The following LSAMP variants were observed in gnomAD, a reference collection of about 807,000 sequenced individuals.
LSAMP encodes the protein limbic system-associated membrane protein.
A neutral mutation model predicts 38.6 loss-of-function variants in LSAMP; 7 were observed. That is an observed-to-expected ratio of 0.18 (90% CI 0.10 to 0.34). LSAMP has a LOEUF of 0.34. Ranked by LOEUF, LSAMP falls within the 10% of genes least tolerant of loss-of-function variation. The probability of loss-of-function intolerance (pLI) is 1.00; values close to 1 mark genes in which losing one functional copy is unlikely to be tolerated. For missense variants in LSAMP, 313 were observed against 420.0 expected (o/e 0.75, Z 2.23); for synonymous variants, 154 against 166.8 (o/e 0.92, Z 0.59).
At chr3:115,938,812 CTTCA>C (rs1937798194) in intron 3 of LSAMP, among the ~76,000 whole-genome samples, 1 of 152,140 alleles carries the variant, frequency 6.6e-6, no homozygotes, top group Admixed American at 6.6e-5. Context: ...TTGTACACGT[CTTCA>C]TTCAAACTGA....
chr3:115,973,606 T>TTATTCCCA (rs1181266619), intron 3 of LSAMP, among the ~76,000 whole-genome samples: 13 of 151,886 alleles, frequency 8.6e-5, no homozygotes, highest in Non-Finnish European at 1.6e-4. Flanking sequence ...TGGTGGCAGG[T>TTATTCCCA]GCCTGTAATC....
chr3:116,018,587 GC>G (rs1365703493), intron 3 of LSAMP, among the ~76,000 whole-genome samples: 2 of 152,052 alleles, frequency 1.3e-5, no homozygotes, highest in East Asian at 3.8e-4. Flanking sequence ...TTCACCTATT[GC>G]CTATCTTTCT....
At chr3:116,185,667 TTAA>T (rs1710597679) in intron 1 of LSAMP, among the ~76,000 whole-genome samples, 1 of 152,104 alleles carries the variant, frequency 6.6e-6, no homozygotes, top group African/African-American at 2.4e-5. Flanking sequence ...TACAGTTATC[TTAA>T]CATATTCAAC....
At position 115,842,571 on chromosome 3, in the gene LSAMP, G is replaced by A. The variant is rs1559846489; in HGVS notation, c.657C>T (p.Pro219=). Residue 219 remains proline, a synonymous_variant, in exon 5 of 7, where the codon CCC becomes CCT. Transcript: ENST00000490035. ...KQVKVTVNYP[P]TITESKSNEA... is the part of the protein sequence containing the mutation. ...CATTGCTCTTGGATTCTGTGATAGTGGGAGGATCTGTAGGAAGGACAGGCA... is the reference window on the plus strand; with the variant it reads ...CATTGCTCTTGGATTCTGTGATAGTAGGAGGATCTGTAGGAAGGACAGGCA... The A allele has an allele frequency of 1.9e-6, 3 of 1,613,184 alleles. No individual in the cohort carries two copies. The highest frequency in any genetic ancestry group is 2.5e-6 in the Non-Finnish European group (3 of 1,179,524).
intron 2 of LSAMP, among the ~76,000 whole-genome samples, chr3:116,067,525 C>A (rs186140487): frequency 6.6e-6 from 1 of 152,174 alleles, no homozygotes; most frequent in African/African-American, 2.4e-5. Context: ...GTAGAGAACA[C>A]CAGCTGTCAC....
intron 1 of LSAMP, among the ~76,000 whole-genome samples, chr3:116,293,960 G>A (rs1377340500): frequency 6.6e-6 from 1 of 151,990 alleles, no homozygotes; most frequent in Non-Finnish European, 1.5e-5. Flanking sequence ...TATACTACAT[G>A]TATGAGGACA....
intron 3 of LSAMP, among the ~76,000 whole-genome samples, chr3:115,899,357 A>G (rs1030161554): frequency 6.6e-6 from 1 of 152,154 alleles, no homozygotes; most frequent in African/African-American, 2.4e-5. Flanking sequence ...AACACTCCAG[A>G]AAAGGAATTA....
intron 1 of LSAMP, among the ~76,000 whole-genome samples, chr3:116,313,992 G>A (rs944636752): frequency 1.2e-4 from 18 of 152,212 alleles, no homozygotes; most frequent in Admixed American, 1.1e-3. Flanking sequence ...GAAGTCTTGT[G>A]TGAAGCACTT....
chr3:116,050,627 T>C (rs1367962274), intron 2 of LSAMP, among the ~76,000 whole-genome samples: 1 of 152,152 alleles, frequency 6.6e-6, no homozygotes, highest in Non-Finnish European at 1.5e-5. Flanking sequence ...TTAGGACAGA[T>C]ACTGGCCGTT....
intron 1 of LSAMP, among the ~76,000 whole-genome samples, chr3:116,233,067 C>T (rs1388268407): frequency 6.6e-6 from 1 of 152,010 alleles, no homozygotes; most frequent in Non-Finnish European, 1.5e-5. Flanking sequence ...TTTAATTATT[C>T]TTTAGAATCT....
intron 1 of LSAMP, among the ~76,000 whole-genome samples, chr3:116,316,778 G>GAAAAAAAAAA (rs35294836): frequency 8.4e-6 from 1 of 118,988 alleles, no homozygotes; most frequent in African/African-American, 3.2e-5. Flanking sequence ...CTCAAAAAAA[G>GAAAAAAAAAA]AAAAAAAAAA....
intron 1 of LSAMP, among the ~76,000 whole-genome samples, chr3:116,202,918 G>A (rs1452390176): frequency 6.6e-6 from 1 of 152,174 alleles, no homozygotes; most frequent in Non-Finnish European, 1.5e-5. Flanking sequence ...AAGTTATAGA[G>A]GAAAGGACAC....
chr3:116,319,702 T>C (rs547890779), intron 1 of LSAMP, among the ~76,000 whole-genome samples: 97 of 152,296 alleles, frequency 6.4e-4, no homozygotes, highest in Middle Eastern at 3.4e-3. Flanking sequence ...TCAGGTTTAA[T>C]TCCCTTTCTT....
chr3:116,172,147 G>A (rs546684410), intron 1 of LSAMP, among the ~76,000 whole-genome samples: 3 of 151,938 alleles, frequency 2.0e-5, no homozygotes, highest in East Asian at 3.9e-4. Flanking sequence ...TGAGCTTCTA[G>A]ATCATGTCAG....
intron 4 of LSAMP, among the ~76,000 whole-genome samples, chr3:115,847,489 TTGGTGATA>T (rs772389531): frequency 7.5e-4 from 114 of 152,278 alleles, no homozygotes; most frequent in Non-Finnish European, 1.4e-3. Context: ...TCCAATTTGG[TTGGTGATA>T]TGGTTTGGCT....
intron 2 of LSAMP, among the ~76,000 whole-genome samples, chr3:116,059,313 C>G (rs1941549369): frequency 6.6e-6 from 1 of 152,134 alleles, no homozygotes; most frequent in Admixed American, 6.5e-5. Context: ...CTCTTTTCAA[C>G]TACTCATATT....
At chr3:115,913,052 C>G (rs1054086542) in intron 3 of LSAMP, among the ~76,000 whole-genome samples, 4 of 152,120 alleles carry the variant, frequency 2.6e-5, no homozygotes, top group African/African-American at 9.7e-5. Flanking sequence ...TGGATTTCCC[C>G]AAGTTAGATT....
chr3:116,002,617 A>G (rs1940030742), intron 3 of LSAMP, among the ~76,000 whole-genome samples: 1 of 152,176 alleles, frequency 6.6e-6, no homozygotes, highest in Non-Finnish European at 1.5e-5. Flanking sequence ...GAGAGATACT[A>G]GCCAAGGGGT....
intron 3 of LSAMP, among the ~76,000 whole-genome samples, chr3:115,989,916 C>G (rs140599080): frequency 1.9e-3 from 288 of 152,084 alleles, no homozygotes; most frequent in African/African-American, 6.8e-3. Flanking sequence ...TTAGAGGCAC[C>G]TGACACTTAA....
Sources: gnomAD v4.1 joint callset for allele counts (sites outside exome capture counted in the v4.1 genomes callset) on GRCh38, gnomAD v4.1.1 for gene constraint, MANE v1.5 for transcripts, NCBI Gene and HGNC (gene_info 2026-07-23, HGNC 2026-07-21) for gene names.